Variants in CTNNA3 observed in about 807,000 individuals in gnomAD.
The protein encoded by CTNNA3 is catenin alpha 3, also known as catenin alpha-3.
A neutral mutation model predicts 95.7 loss-of-function variants in CTNNA3; 76 were observed. The ratio of observed to expected loss-of-function variants is 0.79; its 90% CI spans 0.66 to 0.96. The LOEUF (loss-of-function observed/expected upper bound fraction) is 0.96, where lower values mean the gene tolerates loss of function less well. CTNNA3 is among the 40% of genes least tolerant of loss of function. The pLI, the probability that CTNNA3 is intolerant of heterozygous loss-of-function variation, is 0.00. For synonymous variants in CTNNA3, 431 were observed against 374.4 expected (o/e 1.15, Z -1.74); for missense variants, 1,191 against 1,089.8 (o/e 1.09, Z -1.31).
chr10:66,028,598 G>T (rs1160160468), intron 15 of CTNNA3, among the ~76,000 whole-genome samples: 3 of 149,648 alleles, frequency 2.0e-5, no homozygotes, highest in Non-Finnish European at 4.5e-5. Flanking sequence ...CCTGTTGTGG[G>T]GTGGGGGAAG....
chr10:66,941,993 G>T (rs1848021013), intron 7 of CTNNA3, among the ~76,000 whole-genome samples: 1 of 152,126 alleles, frequency 6.6e-6, no homozygotes, highest in African/African-American at 2.4e-5. Flanking sequence ...GAATCCACTA[G>T]ACCTGAAGTT....
rs1041557356 is a variant in CTNNA3, at chr10:66,683,699, C to A, written c.1282-61915G>T. Among the ~76,000 whole-genome samples, 5 of 152,240 alleles carry A rather than the reference C, an allele frequency of 3.3e-5. No homozygotes were observed. The East Asian group carries it at 9.6e-4, about 29-fold the overall frequency. On this transcript the variant is annotated intron_variant, in intron 9 of 17. Coordinates refer to ENST00000433211, the MANE Select transcript of CTNNA3 (RefSeq NM_013266.4). ...ATCACACTATGAGAGCATATTTTCC[C>A]TTTCAAGTACGACTCATTCAAGTTT...
intron 11 of CTNNA3, among the ~76,000 whole-genome samples, chr10:66,443,963 G>T (rs1357466375): frequency 6.6e-6 from 1 of 152,064 alleles, no homozygotes; most frequent in Non-Finnish European, 1.5e-5. Context: ...AATAACCAAT[G>T]CAGAGAAGTC....
At chr10:65,928,992 C>T (rs1206384172) in intron 17 of CTNNA3, among the ~76,000 whole-genome samples, 1 of 151,986 alleles carries the variant, frequency 6.6e-6, no homozygotes, top group African/African-American at 2.4e-5. Context: ...CGTCATTTAA[C>T]ATTAGGTATA....
intron 13 of CTNNA3, among the ~76,000 whole-genome samples, chr10:66,196,158 G>A (rs2086949138): frequency 6.6e-6 from 1 of 152,006 alleles, no homozygotes; most frequent in Admixed American, 6.6e-5. Flanking sequence ...ATTGTAAAAT[G>A]ACAAAAAATA....
chr10:66,627,269 C>T (rs935164957), intron 9 of CTNNA3, among the ~76,000 whole-genome samples: 1 of 152,064 alleles, frequency 6.6e-6, no homozygotes, highest in Non-Finnish European at 1.5e-5. Context: ...TGATTTCCCT[C>T]GGAGAACAGT....
intron 5 of CTNNA3, among the ~76,000 whole-genome samples, chr10:67,310,057 A>C (rs1221530097): frequency 6.6e-6 from 1 of 152,188 alleles, no homozygotes; most frequent in African/African-American, 2.4e-5. Context: ...TAAATAAATA[A>C]CCAAGAATGT....
intron 17 of CTNNA3, among the ~76,000 whole-genome samples, chr10:65,922,964 T>C (rs1432642526): frequency 6.6e-6 from 1 of 152,050 alleles, no homozygotes; most frequent in Non-Finnish European, 1.5e-5. Context: ...AAAACTGCCT[T>C]ATAAAACCAT....
intron 2 of CTNNA3, among the ~76,000 whole-genome samples, chr10:67,622,661 G>A (rs1449874489): frequency 6.6e-6 from 1 of 152,054 alleles, no homozygotes. Context: ...TTAGCTATGG[G>A]TTTTCCTATC....
rs575665282 is a variant in CTNNA3 at position 67,274,245 on chromosome 10, A to AC, written c.580-54376dup. ...AAACAAAAGAAATGGAAGAAGAGTT[A>AC]CAAAGCAGATATTAAATAAAAGAAT... On this transcript the variant is annotated intron_variant, in intron 5 of 17. Transcript: ENST00000433211. 3.2e-3 allele frequency among the ~76,000 whole-genome samples: 481 copies of AC among 152,316 alleles called. 5 individuals carry two copies. Among genetic ancestry groups the AC allele is most frequent in the African/African-American group, 0.011 (448 of 41,576 alleles).
At chr10:66,012,917 T>C (rs1191412955) in intron 15 of CTNNA3, among the ~76,000 whole-genome samples, 1 of 152,214 alleles carries the variant, frequency 6.6e-6, no homozygotes, top group East Asian at 1.9e-4. Flanking sequence ...CTGGCTACAG[T>C]GCATCATATA....
At position 66,892,532 on chromosome 10, in the gene CTNNA3, T is replaced by C. The variant is rs1916379; in HGVS notation, c.1048-117008A>G. Among the ~76,000 whole-genome samples, 157 of 151,640 alleles carry C rather than the reference T, an allele frequency of 1.0e-3. 3 individuals are homozygous for C. The East Asian group carries it at 0.024, about 23-fold the overall frequency. ...CTGGACACTTTTACAGGGGGCTTCCTATTTGAAATAACCAAGAAGTAGAAT... is the reference window on the plus strand; with the variant it reads ...CTGGACACTTTTACAGGGGGCTTCCCATTTGAAATAACCAAGAAGTAGAAT... On this transcript the variant is annotated intron_variant, in intron 7 of 17. Transcript: ENST00000433211.
intron 7 of CTNNA3, among the ~76,000 whole-genome samples, chr10:66,807,083 T>C (rs140412303): frequency 6.6e-6 from 1 of 152,204 alleles, no homozygotes; most frequent in East Asian, 1.9e-4. Flanking sequence ...AAGTATATTC[T>C]GACCTTGGAA....
chr10:65,952,663 C>T (rs919173428), intron 17 of CTNNA3, among the ~76,000 whole-genome samples: 11 of 152,294 alleles, frequency 7.2e-5, no homozygotes, highest in African/African-American at 2.4e-4. Context: ...AACCTACTGT[C>T]ATTCTGTAAG....
At chr10:66,829,908 C>A (rs931877041) in intron 7 of CTNNA3, among the ~76,000 whole-genome samples, 3 of 135,204 alleles carry the variant, frequency 2.2e-5, no homozygotes, top group Non-Finnish European at 5.0e-5. Context: ...CTCTGTCCCC[C>A]AGGCTGGAGT....
intron 5 of CTNNA3, among the ~76,000 whole-genome samples, chr10:67,441,076 T>G (rs2132931441): frequency 6.6e-6 from 1 of 151,838 alleles, no homozygotes; most frequent in East Asian, 1.9e-4. Flanking sequence ...GAATTCAGAA[T>G]TCCATCAGAT....
intron 10 of CTNNA3, among the ~76,000 whole-genome samples, chr10:66,571,914 G>A (rs1284301614): frequency 6.6e-6 from 1 of 152,128 alleles, no homozygotes; most frequent in Non-Finnish European, 1.5e-5. Context: ...ATTTTTTAAA[G>A]AAATTAAACA....
intron 7 of CTNNA3, among the ~76,000 whole-genome samples, chr10:66,783,734 T>A (rs573933503): frequency 6.6e-6 from 1 of 152,302 alleles, no homozygotes; most frequent in South Asian, 2.1e-4. Flanking sequence ...AAATAAATTA[T>A]TTTCCCGCTT....
At chr10:67,062,340 C>G (rs924466225) in intron 7 of CTNNA3, among the ~76,000 whole-genome samples, 1 of 152,144 alleles carries the variant, frequency 6.6e-6, no homozygotes, top group Non-Finnish European at 1.5e-5. Context: ...TCTGTACATG[C>G]CAGCAGTGCT....
Sources: allele counts gnomAD v4.1 joint callset (sites outside exome capture counted in the v4.1 genomes callset), GRCh38; gene constraint gnomAD v4.1.1; transcripts MANE v1.5; gene names NCBI Gene and HGNC (gene_info 2026-07-23, HGNC 2026-07-21).